Variants in ABCG8 observed in about 807,000 individuals in gnomAD.
ABCG8 encodes ATP-binding cassette sub-family G member 8.
In ABCG8, 81 loss-of-function variants were observed where a neutral mutation model predicts 71.3. The observed-to-expected ratio is 1.14, with a 90% confidence interval of 0.95 to 1.37. ABCG8 has a LOEUF of 1.37. ABCG8 is among the 40% of genes most tolerant of loss of function. The pLI is 0.00. For synonymous variants in ABCG8, 451 were observed against 354.7 expected, an observed-to-expected ratio of 1.27 and a Z score of -3.05; for missense variants, 1,119 against 866.2, an observed-to-expected ratio of 1.29 and a Z score of -3.66.
chr2:43,852,529 G>A lies in ABCG8; in HGVS notation c.694+43G>A, dbSNP rs753209069. 16 of 1,613,902 alleles carry A rather than the reference G, an allele frequency of 9.9e-6. No individual in the cohort carries two copies. In the South Asian group the frequency reaches 1.4e-4, roughly 14 times the overall value. On this transcript the variant is annotated intron_variant, in intron 5 of 12. Coordinates refer to ENST00000272286, the MANE Select transcript of ABCG8 (RefSeq NM_022437.3). The stretch of plus-strand genomic sequence containing the variant: ...AGATGGGGGCAGAGGGACCTGTGCG[G>A]TCCCCTCAGGCTTGGCTTGGTCTGG...
At chr2:43,857,755 G>T (rs1443987139) in intron 6 of ABCG8, among the ~76,000 whole-genome samples, 2 of 150,034 alleles carry the variant, frequency 1.3e-5, no homozygotes, top group African/African-American at 4.9e-5. Flanking sequence ...AACATCTGAG[G>T]ATAGATTTCC....
At chr2:43,867,117 G>A (rs1669556120) in intron 6 of ABCG8, among the ~76,000 whole-genome samples, 2 of 149,222 alleles carry the variant, frequency 1.3e-5, no homozygotes, top group Non-Finnish European at 3.0e-5. Flanking sequence ...AACACCGCAT[G>A]TTCTCACTCA....
At position 43,882,558 on chromosome 2, in the gene ABCG8, T is replaced by G. The variant is rs572442100; in HGVS notation, c.*4645T>G. 6.6e-6 allele frequency: 1 copy of G among 152,234 alleles called. No homozygotes were observed. The highest frequency in any genetic ancestry group is 1.5e-5 in the Non-Finnish European group (1 of 68,044). The allele number at this position is 152,234 out of a possible 1,614,324, so 9.4% of individuals were successfully genotyped here. A position where few individuals can be genotyped will look rare whatever the true frequency, so the allele number is the denominator to read the frequency against. On this transcript the variant is annotated 3_prime_UTR_variant, in exon 13 of 13. Coordinates refer to ENST00000272286, the MANE Select transcript of ABCG8 (RefSeq NM_022437.3). The stretch of plus-strand genomic sequence containing the variant: ...CCTGAGAGACAACAGACATCCTTAT[T>G]TGTGAATAGTCTGCACTAGATAATT...
chr2:43,844,418 G>C (rs575300132), intron 1 of ABCG8, 89 bp from the exon 2 acceptor site: 14 of 1,035,276 alleles, frequency 1.4e-5, no homozygotes, highest in Non-Finnish European at 2.1e-5. Flanking sequence ...GCTCTAAGAA[G>C]TTGCTCTCAC....
Position 43,849,302 on chromosome 2 carries a change from G to A in ABCG8, c.323-2282G>A, listed in dbSNP as rs575544155. 4.6e-5 allele frequency among the ~76,000 whole-genome samples: 7 copies of A among 152,220 alleles called. No individual in the cohort carries two copies. In the East Asian group the frequency reaches 1.2e-3, roughly 25 times the overall value. On this transcript the variant is annotated intron_variant, in intron 3 of 12. Transcript: ENST00000272286. ...AATTGACTCAGAGTTCCTCATGGCT[G>A]GGGAGGCCTCAGGAAACTTACAATC...
intron 9 of ABCG8, 32 bp downstream of exon 9, chr2:43,874,018 G>C: frequency 6.2e-7 from 1 of 1,611,034 alleles, no homozygotes; most frequent in Non-Finnish European, 8.5e-7. Context: ...GGGCAGGCAG[G>C]ACCTCAGCCA....
intron 6 of ABCG8, among the ~76,000 whole-genome samples, chr2:43,864,566 A>G (rs765634156): frequency 1.8e-4 from 27 of 151,698 alleles, no homozygotes; most frequent in Non-Finnish European, 3.7e-4. Flanking sequence ...AACTCTAACT[A>G]TCTGGATAGA....
At position 43,882,090 on chromosome 2, in the gene ABCG8, T is replaced by C. The variant is rs1181872083; in HGVS notation, c.*4177T>C. 6.6e-6 allele frequency: 1 copy of C among 152,338 alleles called. No homozygotes were observed. Among genetic ancestry groups the C allele is most frequent in the South Asian group, 2.1e-4 (1 of 4,826 alleles). The allele number at this position is 152,338 out of a possible 1,614,324, so 9.4% of individuals were successfully genotyped here. A position where few individuals can be genotyped will look rare whatever the true frequency, so the allele number is the denominator to read the frequency against. On this transcript the variant is annotated 3_prime_UTR_variant, in exon 13 of 13. Coordinates refer to ENST00000272286, the MANE Select transcript of ABCG8 (RefSeq NM_022437.3). The stretch of plus-strand genomic sequence containing the variant: ...AGCCCTCCAATTTCAAGTTATGCTA[T>C]TGGTGGGGAATTTTAATTAAACAGA...
intron 1 of ABCG8, among the ~76,000 whole-genome samples, chr2:43,843,209 T>C (rs970002311): frequency 3.9e-5 from 6 of 152,206 alleles, no homozygotes; most frequent in Non-Finnish European, 8.8e-5. Context: ...GGCCTTTTCA[T>C]TGTCACATCC....
chr2:43,867,483 A>G (rs1041130958), intron 6 of ABCG8, among the ~76,000 whole-genome samples: 2 of 152,126 alleles, frequency 1.3e-5, no homozygotes, highest in Non-Finnish European at 2.9e-5. Flanking sequence ...ATCTAGATAG[A>G]ATTCTCACCC....
intron 6 of ABCG8, among the ~76,000 whole-genome samples, chr2:43,856,330 C>G (rs1572840994): frequency 6.6e-6 from 1 of 151,844 alleles, no homozygotes; most frequent in East Asian, 2.0e-4. Context: ...AGAACTCTCA[C>G]TCCCTGTCTG....
intron 6 of ABCG8, among the ~76,000 whole-genome samples, chr2:43,865,932 G>C (rs1305793953): frequency 3.3e-5 from 5 of 152,034 alleles, no homozygotes; most frequent in Admixed American, 2.6e-4. Flanking sequence ...TATCTATCTG[G>C]ATAGAATTCT....
intron 6 of ABCG8, among the ~76,000 whole-genome samples, chr2:43,856,680 A>G (rs1225500058): frequency 1.3e-5 from 2 of 151,494 alleles, no homozygotes; most frequent in East Asian, 2.0e-4. Context: ...TCTGGATATA[A>G]TTCTCACTTT....
At chr2:43,875,549 GC>G in intron 11 of ABCG8, 136 bp downstream of exon 11, 1 of 1,135,992 alleles carries the variant, frequency 8.8e-7, no homozygotes. Context: ...AGAGGCCTTT[GC>G]CCACTGCCCT....
Position 43,882,949 on chromosome 2 carries a change from C to G in ABCG8, c.*5036C>G, listed in dbSNP as rs987377788. 6 of 152,232 alleles carry G rather than the reference C, an allele frequency of 3.9e-5. No individual in the cohort carries two copies. Among genetic ancestry groups the G allele is most frequent in the Admixed American group, 2.6e-4 (4 of 15,274 alleles). The allele number at this position is 152,232 out of a possible 1,614,324, so 9.4% of individuals were successfully genotyped here. On this transcript the variant is annotated 3_prime_UTR_variant, in exon 13 of 13. Coordinates refer to ENST00000272286, the MANE Select transcript of ABCG8 (RefSeq NM_022437.3). ...TGTTTCCCCAAACTGCTAATAAGCT[C>G]TACTGACCCATGCTAAAAATAAAGC...
rs907705031 is a variant in ABCG8, at chr2:43,852,259, G to A, written c.562-95G>A. 3 of 1,572,274 alleles carry A rather than the reference G, an allele frequency of 1.9e-6. No individual in the cohort carries two copies. In the African/African-American group the frequency reaches 4.0e-5, roughly 21 times the overall value. On this transcript the variant is annotated intron_variant, in intron 4 of 12. Coordinates refer to ENST00000272286, the MANE Select transcript of ABCG8 (RefSeq NM_022437.3). ...CTGTCTCCCTTCACTTTCAAACCCA[G>A]CCGGAGGAGCGGGCGCCTTTATCCT...
intron 11 of ABCG8, among the ~76,000 whole-genome samples, chr2:43,876,492 T>C (rs1669962699): frequency 6.6e-6 from 1 of 151,280 alleles, no homozygotes; most frequent in African/African-American, 2.4e-5. Flanking sequence ...ACCATGAGAA[T>C]AGGAGGAGAC....
At chr2:43,859,463 C>A (rs991439568) in intron 6 of ABCG8, among the ~76,000 whole-genome samples, 2 of 151,236 alleles carry the variant, frequency 1.3e-5, no homozygotes, top group African/African-American at 2.4e-5. Flanking sequence ...CTCTTACTAT[C>A]TGGATAGAAT....
At position 43,853,016 on chromosome 2, in the gene ABCG8, G is replaced by A. The variant is rs1668982266; in HGVS notation, c.964+148G>A. 2.9e-6 allele frequency: 3 copies of A among 1,046,156 alleles called. No homozygotes were observed. The African/African-American group carries it at 4.8e-5, about 17-fold the overall frequency. 64.8% of individuals were successfully genotyped at this position (1,046,156 alleles called of 1,614,324 possible). ...GCAATGATGGGGAAGAACATGGGGT[G>A]GTTTGCCAGGTATCAAATGCTAGAA... On this transcript the variant is annotated intron_variant, in intron 6 of 12. Transcript: ENST00000272286.
Sources: allele counts gnomAD v4.1 joint callset (sites outside exome capture counted in the v4.1 genomes callset), GRCh38; gene constraint gnomAD v4.1.1; transcripts MANE v1.5; gene names NCBI Gene and HGNC (gene_info 2026-07-23, HGNC 2026-07-21).